BPI: variants seen among roughly 807,000 people sequenced by gnomAD.
The protein encoded by BPI is bactericidal permeability-increasing protein.
BPI carries 48 observed loss-of-function variants against 57.6 expected under a neutral mutation model. The ratio of observed to expected loss-of-function variants is 0.83; its 90% CI spans 0.66 to 1.06. The LOEUF (loss-of-function observed/expected upper bound fraction) is 1.06. BPI is among the 50% of genes least tolerant of loss of function. The pLI, the probability that BPI is intolerant of heterozygous loss-of-function variation, is 0.00. For missense variants in BPI, 651 were observed against 609.7 expected (o/e 1.07, Z -0.71); for synonymous variants, 237 against 238.2 (o/e 0.99, Z 0.05).
Position 38,310,779 on chromosome 20 carries a change from A to G in BPI, c.536+127A>G, listed in dbSNP as rs2076618212. 15 of 1,280,942 alleles carry G rather than the reference A, an allele frequency of 1.2e-5. 1 individual carries two copies. Among genetic ancestry groups the G allele is most frequent in the Non-Finnish European group, 1.6e-5 (15 of 930,652 alleles). 79.3% of individuals were successfully genotyped at this position (1,280,942 alleles called of 1,614,324 possible). On this transcript the variant is annotated intron_variant, in intron 4 of 14. Transcript: ENST00000642449. ...CAGGCCTTGCTCAGAGGCCTCAGGC[A>G]TGGTATGGGGGCCAGGGGCCCACAG...
At chr20:38,331,873 C>T (rs1223660722) in intron 12 of BPI, among the ~76,000 whole-genome samples, 1 of 150,016 alleles carries the variant, frequency 6.7e-6, no homozygotes, top group African/African-American at 2.5e-5. Context: ...GAGAGAAGAT[C>T]GTTTCAGTCA....
chr20:38,305,238 G>C (rs1300582337), intron 1 of BPI, among the ~76,000 whole-genome samples: 1 of 151,414 alleles, frequency 6.6e-6, no homozygotes, highest in Admixed American at 6.6e-5. Context: ...CTGAATCCTA[G>C]AGCTGCAGAC....
In BPI at chr20:38,337,179, AAATGAAGGCACCAGGGGTGCCGGGG is replaced by A; in HGVS notation, c.1448_*20del. On this transcript the variant is annotated stop_lost and 3_prime_UTR_variant, in exon 15 of 15. Transcript: ENST00000642449. The stretch of plus-strand genomic sequence containing the variant: ...GCTGTTCGGTGCAGACGTTGTCTAT[AAATGAAGGCACCAGGGGTGCCGGGG>A]GCTGTCAGCCACACCTGTTCCTGAT... 6.3e-7 allele frequency: 1 copy of A among 1,589,890 alleles called. No homozygotes were observed. Among genetic ancestry groups the A allele is most frequent in the Non-Finnish European group, 8.5e-7 (1 of 1,170,246 alleles).
chr20:38,320,902 G>T (rs1181019584), intron 7 of BPI, among the ~76,000 whole-genome samples: 2 of 130,544 alleles, frequency 1.5e-5, no homozygotes, highest in Non-Finnish European at 3.3e-5. Flanking sequence ...TGGGTGGGTG[G>T]ATGGATGGGT....
chr20:38,304,462 G>A, intron 1 of BPI, 109 bp downstream of exon 1: 1 of 1,426,688 alleles, frequency 7.0e-7, no homozygotes, highest in Admixed American at 2.6e-5. Flanking sequence ...TAGCACCTCA[G>A]GGCAGGTCCC....
chr20:38,307,541 C>A, intron 1 of BPI, 26 bp from the exon 2 acceptor site: 1 of 1,559,860 alleles, frequency 6.4e-7, no homozygotes, highest in Non-Finnish European at 8.7e-7. Flanking sequence ...GTGCCTCTCA[C>A]TGTCACCCCT....
intron 5 of BPI, chr20:38,318,032 C>G (rs2076661060): frequency 2.0e-6 from 2 of 985,004 alleles, no homozygotes; most frequent in South Asian, 4.7e-5. Context: ...CATTGACTAC[C>G]TCGTATTTGT....
At chr20:38,323,129 C>T (rs1186188138) in intron 7 of BPI, among the ~76,000 whole-genome samples, 1 of 152,166 alleles carries the variant, frequency 6.6e-6, no homozygotes, top group African/African-American at 2.4e-5. Flanking sequence ...TTGGGTGCCT[C>T]TCCCCCCACC....
intron 8 of BPI, among the ~76,000 whole-genome samples, chr20:38,324,294 G>T (rs1329365786): frequency 2.6e-5 from 4 of 152,190 alleles, no homozygotes; most frequent in Admixed American, 1.3e-4. Context: ...TCTCCAAAGG[G>T]TGTCATGAGG....
intron 6 of BPI, 127 bp from the exon 7 acceptor site, chr20:38,320,056 G>A: frequency 1.3e-6 from 1 of 786,476 alleles, no homozygotes; most frequent in South Asian, 1.6e-5. Context: ...AGAGCTCCCT[G>A]GAGAAGGTGG....
At chr20:38,313,329 G>A (rs1343328875) in intron 5 of BPI, among the ~76,000 whole-genome samples, 1 of 147,142 alleles carries the variant, frequency 6.8e-6, no homozygotes, top group African/African-American at 2.5e-5. Flanking sequence ...GTTGTGGTGA[G>A]CCAAGATCAT....
chr20:38,332,551 T>A (rs770772898), intron 12 of BPI, among the ~76,000 whole-genome samples: 29 of 152,142 alleles, frequency 1.9e-4, no homozygotes, highest in Non-Finnish European at 4.0e-4. Flanking sequence ...TAACATGTGG[T>A]CAATGTCTGG....
chr20:38,324,344 G>C (rs149784625), intron 8 of BPI, among the ~76,000 whole-genome samples: 231 of 152,324 alleles, frequency 1.5e-3, no homozygotes, highest in African/African-American at 5.2e-3. Context: ...TGAGATATTA[G>C]TCTATGAGAG....
chr20:38,337,047 G>A (rs2076771002), intron 14 of BPI, 99 bp from the exon 15 acceptor site: 1 of 1,263,484 alleles, frequency 7.9e-7, no homozygotes, highest in South Asian at 1.3e-5. Context: ...TTCCTAAGAG[G>A]CAGGCTCCCA....
At position 38,304,339 on chromosome 20, in the gene BPI, A is replaced by G; in HGVS notation, c.116A>G (p.Lys39Arg). 6.2e-7 allele frequency: 1 copy of G among 1,613,806 alleles called. No homozygotes were observed. The highest frequency in any genetic ancestry group is 1.3e-5 in the African/African-American group (1 of 75,052). ...NPGVVVRISQ[K>R]GLDYASQQGT... ...GGCGTCGTGGTCAGGATCTCCCAGA[A>G]GGGCCTGGACTACGGTAACTGGATG... is the stretch of plus-strand genomic sequence containing the variant. The change falls in exon 1 of 15, where the codon AAG becomes AGG. Residue 39 changes from lysine to arginine, a missense_variant. Transcript: ENST00000642449.
In BPI at chr20:38,337,198, G is replaced by T. The variant is rs1242147887; in HGVS notation, c.*14G>T. The T allele has an allele frequency of 1.3e-6, 2 of 1,582,290 alleles. No individual in the cohort carries two copies. Among genetic ancestry groups the T allele is most frequent in the African/African-American group, 1.4e-5 (1 of 72,652 alleles). ...GTCTATAAATGAAGGCACCAGGGGT[G>T]CCGGGGGCTGTCAGCCACACCTGTT... On this transcript the variant is annotated 3_prime_UTR_variant, in exon 15 of 15. Coordinates refer to ENST00000642449, the MANE Select transcript of BPI (RefSeq NM_001725.3).
At chr20:38,310,468 C>T (rs2076616422) in intron 3 of BPI, 23 bp from the exon 4 acceptor site, 1 of 1,606,484 alleles carries the variant, frequency 6.2e-7, no homozygotes, top group Non-Finnish European at 8.5e-7. Context: ...ACTTGTCCCA[C>T]ATTCCTCTTT....
At position 38,331,089 on chromosome 20, in the gene BPI, C is replaced by A; in HGVS notation, c.1271C>A (p.Pro424Gln). 1.2e-6 allele frequency: 2 copies of A among 1,614,112 alleles called. No homozygotes were observed. Among genetic ancestry groups the A allele is most frequent in the Non-Finnish European group, 1.7e-6 (2 of 1,179,994 alleles). Residue 424 changes from proline (P) to glutamine (Q), a missense_variant and splice_region_variant, in exon 12 of 15, where the codon CCG becomes CAG. By Grantham distance (76) the Pro-to-Gln change is moderately conservative. Transcript: ENST00000642449. ...ELKHSNIGPF[P>Q]VELLQDIMNY... ...AAGCACTCAAATATTGGCCCCTTCC[C>A]GGTGAGTCTGAGGCCCTTGGTGGCT...
chr20:38,324,556 T>C (rs997483676), intron 8 of BPI, among the ~76,000 whole-genome samples: 4 of 152,168 alleles, frequency 2.6e-5, no homozygotes, highest in African/African-American at 9.6e-5. Context: ...AGGCGGTCAC[T>C]GACCAGCTCC....
Sources: gnomAD v4.1 joint callset for allele counts (sites outside exome capture counted in the v4.1 genomes callset) on GRCh38, gnomAD v4.1.1 for gene constraint, MANE v1.5 for transcripts, NCBI Gene and HGNC (gene_info 2026-07-23, HGNC 2026-07-21) for gene names.